Variants in KLHL29 observed in about 807,000 individuals in gnomAD.
KLHL29 encodes the protein kelch-like protein 29.
In KLHL29, 21 loss-of-function variants were observed where a neutral mutation model predicts 80.4. The ratio of observed to expected loss-of-function variants is 0.26; its 90% confidence interval spans 0.19 to 0.38. KLHL29 has a LOEUF of 0.38. Ranked by LOEUF, KLHL29 falls within the 10% of genes least tolerant of loss-of-function variation. The probability of loss-of-function intolerance (pLI) is 1.00; values close to 1 mark genes in which losing one functional copy is unlikely to be tolerated. For synonymous variants in KLHL29, 511 were observed against 526.8 expected (o/e 0.97, Z 0.41); for missense variants, 867 against 1,223.9 (o/e 0.71, Z 4.35).
At chr2:23,386,942 G>A (rs1666197798) in intron 1 of KLHL29, among the ~76,000 whole-genome samples, 1 of 152,144 alleles carries the variant, frequency 6.6e-6, no homozygotes, top group African/African-American at 2.4e-5. Flanking sequence ...CCGCTGAGAA[G>A]CCAGTTGTCG....
At chr2:23,408,263 TAAAAAAAAAAAAAAAAAAAAAAAA>T (rs55790582) in intron 1 of KLHL29, among the ~76,000 whole-genome samples, 657 of 52,702 alleles carry the variant, frequency 0.012, 26 homozygotes, top group African/African-American at 0.04. Context: ...CATTTCACGC[TAAAAAAAAAAAAAAAAAAAAAAAA>T]AAAAAAAAAA....
intron 1 of KLHL29, among the ~76,000 whole-genome samples, chr2:23,409,952 A>C (rs576147814): frequency 1.3e-5 from 2 of 152,312 alleles, no homozygotes; most frequent in South Asian, 4.1e-4. Flanking sequence ...AGCAGGGATG[A>C]TGCATTCCAG....
In KLHL29 at chr2:23,441,954, A is replaced by G. The variant is rs1024992811; in HGVS notation, c.-153-33606A>G. ...TGAGCAGCATAATGGTCTCCCAAAG[A>G]TGTCCATGTCCTAATCGCAGAAAAC... On this transcript the variant is annotated intron_variant, in intron 1 of 13. Coordinates refer to ENST00000486442, the MANE Select transcript of KLHL29 (RefSeq NM_052920.2). Among the ~76,000 whole-genome samples the G allele has an allele frequency of 2.6e-5, 4 of 152,194 alleles. No individual in the cohort carries two copies. In the East Asian group the frequency reaches 7.7e-4, roughly 29 times the overall value.
intron 3 of KLHL29, among the ~76,000 whole-genome samples, chr2:23,628,362 G>A (rs534119937): frequency 6.6e-6 from 1 of 152,290 alleles, no homozygotes; most frequent in East Asian, 1.9e-4. Flanking sequence ...TGCCCTCTGG[G>A]GAGGCGCTGG....
chr2:23,452,620 C>T (rs1415019659), intron 1 of KLHL29, among the ~76,000 whole-genome samples: 1 of 152,156 alleles, frequency 6.6e-6, no homozygotes, highest in Non-Finnish European at 1.5e-5. Context: ...AATTTTTACT[C>T]TGAGCATAAT....
chr2:23,497,226 C>T (rs1306690548), intron 2 of KLHL29, among the ~76,000 whole-genome samples: 16 of 152,138 alleles, frequency 1.1e-4, no homozygotes, highest in African/African-American at 2.9e-4. Flanking sequence ...TACTTGAAAA[C>T]GGGATGAAAG....
intron 2 of KLHL29, among the ~76,000 whole-genome samples, chr2:23,480,256 G>A (rs2103441342): frequency 6.6e-6 from 1 of 152,362 alleles, no homozygotes; most frequent in African/African-American, 2.4e-5. Context: ...GGAGGCCGAG[G>A]TGGGCGGATC....
intron 13 of KLHL29, among the ~76,000 whole-genome samples, chr2:23,705,328 TA>T: frequency 6.6e-6 from 1 of 152,174 alleles, no homozygotes; most frequent in Non-Finnish European, 1.5e-5. Flanking sequence ...CCGTCTCTAC[TA>T]AAAATACAAA....
chr2:23,557,231 C>T (rs1241391472), intron 2 of KLHL29, among the ~76,000 whole-genome samples: 3 of 152,220 alleles, frequency 2.0e-5, no homozygotes, highest in Non-Finnish European at 2.9e-5. Context: ...CACATGTATG[C>T]CCATGGGACC....
At chr2:23,622,741 A>G (rs1410851716) in intron 3 of KLHL29, among the ~76,000 whole-genome samples, 3 of 152,240 alleles carry the variant, frequency 2.0e-5, no homozygotes, top group Non-Finnish European at 2.9e-5. Context: ...GACGCCAGCC[A>G]TCTGCATGGG....
intron 2 of KLHL29, among the ~76,000 whole-genome samples, chr2:23,520,942 T>C (rs1230712241): frequency 6.6e-6 from 1 of 152,096 alleles, no homozygotes; most frequent in African/African-American, 2.4e-5. Flanking sequence ...ACAATTGTCT[T>C]CTTTCCTCCA....
chr2:23,566,984 G>A (rs1056680540), intron 3 of KLHL29, among the ~76,000 whole-genome samples: 1 of 152,152 alleles, frequency 6.6e-6, no homozygotes, highest in African/African-American at 2.4e-5. Flanking sequence ...CCTGTCTGAT[G>A]TGGCATGAGG....
At chr2:23,387,763 C>G (rs531941275) in intron 1 of KLHL29, among the ~76,000 whole-genome samples, 3 of 152,264 alleles carry the variant, frequency 2.0e-5, no homozygotes, top group East Asian at 3.9e-4. Context: ...CCGTCCCATA[C>G]ATTGTGCTGG....
chr2:23,610,725 G>A (rs1668837567), intron 3 of KLHL29, among the ~76,000 whole-genome samples: 1 of 152,222 alleles, frequency 6.6e-6, no homozygotes, highest in Non-Finnish European at 1.5e-5. Flanking sequence ...GAAAGCCTGG[G>A]TCCTAACTGT....
chr2:23,670,910 T>TTC (rs1670702653), intron 5 of KLHL29, among the ~76,000 whole-genome samples: 1 of 17,436 alleles, frequency 5.7e-5, no homozygotes, highest in African/African-American at 9.7e-5. Context: ...TCTACACACA[T>TTC]GCACGCGCTC....
intron 1 of KLHL29, among the ~76,000 whole-genome samples, chr2:23,424,974 C>A (rs557862051): frequency 6.6e-6 from 1 of 152,258 alleles, no homozygotes; most frequent in East Asian, 1.9e-4. Context: ...TGTTGGTCCC[C>A]AAACCAAAAT....
At chr2:23,646,881 C>A (rs727291) in intron 5 of KLHL29, among the ~76,000 whole-genome samples, 1 of 152,052 alleles carries the variant, frequency 6.6e-6, no homozygotes, top group Admixed American at 6.5e-5. Context: ...ACAGTACCAC[C>A]CTCACAGGGC....
At chr2:23,416,956 C>A (rs1452890377) in intron 1 of KLHL29, among the ~76,000 whole-genome samples, 1 of 152,202 alleles carries the variant, frequency 6.6e-6, no homozygotes, top group Non-Finnish European at 1.5e-5. Flanking sequence ...TTGAGCCCTT[C>A]TGAAGCTGAT....
chr2:23,691,467 G>A (rs1671596143), intron 6 of KLHL29: 1 of 598,036 alleles, frequency 1.7e-6, no homozygotes, highest in Non-Finnish European at 3.0e-6. Flanking sequence ...TGATAAGCAG[G>A]GTTTTCTGTT....
Sources: gnomAD v4.1 joint callset for allele counts (sites outside exome capture counted in the v4.1 genomes callset) on GRCh38, gnomAD v4.1.1 for gene constraint, MANE v1.5 for transcripts, NCBI Gene and HGNC (gene_info 2026-07-23, HGNC 2026-07-21) for gene names.